The following DCLK1 variants were observed in gnomAD, a reference collection of about 807,000 sequenced individuals.
The protein encoded by DCLK1 is doublecortin like kinase 1, also known as serine/threonine-protein kinase DCLK1.
A neutral mutation model predicts 86.2 loss-of-function variants in DCLK1; 16 were observed. The ratio of observed to expected loss-of-function variants is 0.19; its 90% confidence interval spans 0.13 to 0.28. The LOEUF is 0.28. Ranked by LOEUF, DCLK1 falls within the 10% of genes least tolerant of loss-of-function variation. The pLI, the probability that DCLK1 is intolerant of heterozygous loss-of-function variation, is 1.00. For synonymous variants in DCLK1, 369 were observed against 370.5 expected (o/e 1.00, Z 0.05); for missense variants, 590 against 940.2 (o/e 0.63, Z 4.87).
intron 4 of DCLK1, among the ~76,000 whole-genome samples, chr13:35,910,947 A>G (rs891282114): frequency 3.3e-5 from 5 of 152,094 alleles, no homozygotes; most frequent in African/African-American, 4.8e-5. Context: ...ACTTCGTGAA[A>G]AGTCATCAGT....
At position 35,978,203 on chromosome 13, in the gene DCLK1, C is replaced by CTT. The variant is rs11311688; in HGVS notation, c.724-30748_724-30747dup. On this transcript the variant is annotated intron_variant, in intron 3 of 16. Coordinates refer to ENST00000360631, the MANE Select transcript of DCLK1 (RefSeq NM_001330071.2). ...TCCAGTTTTTTTTTTCTTTTCTTTT[C>CTT]TTTTTTTTTTTTTTTTTTTTTTTGA... is the stretch of plus-strand genomic sequence containing the variant. 3.0e-3 allele frequency among the ~76,000 whole-genome samples: 246 copies of CTT among 82,750 alleles called. 1 individual carries two copies. The highest frequency in any genetic ancestry group is 7.7e-3 in the East Asian group (20 of 2,612). 54.3% of individuals were successfully genotyped at this position (82,750 alleles called of 152,430 possible).
intron 3 of DCLK1, among the ~76,000 whole-genome samples, chr13:35,990,902 A>G (rs1344743241): frequency 6.6e-6 from 1 of 152,126 alleles, no homozygotes; most frequent in Non-Finnish European, 1.5e-5. Flanking sequence ...AGAATACAAA[A>G]CTGACCATGG....
intron 3 of DCLK1, among the ~76,000 whole-genome samples, chr13:36,052,596 A>T (rs531182820): frequency 1.2e-4 from 19 of 152,316 alleles, no homozygotes; most frequent in Middle Eastern, 3.4e-3. Context: ...ATAAGGGGTT[A>T]CATAGTCTCT....
chr13:36,069,616 C>T (rs570264585), intron 3 of DCLK1, among the ~76,000 whole-genome samples: 1 of 152,278 alleles, frequency 6.6e-6, no homozygotes, highest in South Asian at 2.1e-4. Flanking sequence ...TTAGACTCCT[C>T]TCCAGAAGTC....
At chr13:36,033,714 C>A (rs575482577) in intron 3 of DCLK1, among the ~76,000 whole-genome samples, 22 of 152,188 alleles carry the variant, frequency 1.4e-4, no homozygotes, top group African/African-American at 5.3e-4. Context: ...TTACCTGAGG[C>A]CAGGAGTTTG....
rs1349951822 is a variant in DCLK1, at chr13:36,002,185, A to T, written c.724-54728T>A. ...AAGCACAGGCTTTTTGGTCTTTTCA[A>T]CATTTTTCTTTACTTTAAGCCAAGT... is the stretch of plus-strand genomic sequence containing the variant. On this transcript the variant is annotated intron_variant, in intron 3 of 16. Transcript: ENST00000360631. Among the ~76,000 whole-genome samples, 9 of 152,300 alleles carry T rather than the reference A, an allele frequency of 5.9e-5. No individual in the cohort carries two copies. The East Asian group carries it at 1.4e-3, about 23-fold the overall frequency.
At chr13:35,927,059 A>T (rs1566606361) in intron 4 of DCLK1, among the ~76,000 whole-genome samples, 1 of 152,188 alleles carries the variant, frequency 6.6e-6, no homozygotes, top group Non-Finnish European at 1.5e-5. Flanking sequence ...CCCTCACGTA[A>T]TCCCTCTGGG....
At chr13:35,914,355 A>ATATATACGTG in intron 4 of DCLK1, among the ~76,000 whole-genome samples, 3 of 18,814 alleles carry the variant, frequency 1.6e-4, no homozygotes, top group Admixed American at 1.2e-3. Context: ...ATATACATAT[A>ATATATACGTG]TATATATATA....
intron 3 of DCLK1, among the ~76,000 whole-genome samples, chr13:36,007,572 G>C (rs1317943958): frequency 6.6e-6 from 1 of 152,112 alleles, no homozygotes; most frequent in Admixed American, 6.6e-5. Flanking sequence ...CAACAAACAG[G>C]AAGGCAGATG....
At chr13:35,921,815 G>A (rs1386159599) in intron 4 of DCLK1, among the ~76,000 whole-genome samples, 1 of 152,168 alleles carries the variant, frequency 6.6e-6, no homozygotes, top group Non-Finnish European at 1.5e-5. Flanking sequence ...CTGTGGGAAG[G>A]GGCAGGTAAG....
At chr13:35,993,394 A>T (rs1229668508) in intron 3 of DCLK1, among the ~76,000 whole-genome samples, 1 of 152,280 alleles carries the variant, frequency 6.6e-6, no homozygotes, top group East Asian at 1.9e-4. Context: ...CCTTAAACTC[A>T]TCAAGAGCAA....
intron 4 of DCLK1, among the ~76,000 whole-genome samples, chr13:35,895,473 A>G (rs1873905433): frequency 6.6e-6 from 1 of 152,106 alleles, no homozygotes; most frequent in Non-Finnish European, 1.5e-5. Context: ...ATGTAGGTAT[A>G]TTTTTCTACA....
chr13:36,056,456 G>A (rs965403792), intron 3 of DCLK1, among the ~76,000 whole-genome samples: 6 of 110,394 alleles, frequency 5.4e-5, no homozygotes, highest in Admixed American at 4.8e-4. Context: ...TCACACTCTG[G>A]GGACTGTGGT....
intron 3 of DCLK1, among the ~76,000 whole-genome samples, chr13:35,953,568 C>T (rs771574450): frequency 1.4e-4 from 21 of 152,148 alleles, no homozygotes; most frequent in Non-Finnish European, 2.6e-4. Flanking sequence ...TCATTACGCA[C>T]AGTCGTCCCA....
chr13:35,905,700 C>T (rs1874650463), intron 4 of DCLK1, among the ~76,000 whole-genome samples: 1 of 152,100 alleles, frequency 6.6e-6, no homozygotes, highest in Non-Finnish European at 1.5e-5. Flanking sequence ...ATTCCCAGCG[C>T]ATTGGGAGGC....
intron 3 of DCLK1, among the ~76,000 whole-genome samples, chr13:36,081,500 G>A (rs886098089): frequency 6.6e-6 from 1 of 152,154 alleles, no homozygotes; most frequent in Non-Finnish European, 1.5e-5. Flanking sequence ...CAATTAGATG[G>A]CTTTGAAATG....
chr13:35,853,766 C>T (rs1299304521), intron 6 of DCLK1, among the ~76,000 whole-genome samples: 1 of 152,110 alleles, frequency 6.6e-6, no homozygotes, highest in Non-Finnish European at 1.5e-5. Flanking sequence ...CCATAAAGGG[C>T]CTTCCGTTTT....
rs148274768 is a variant in DCLK1 at position 35,946,670 on chromosome 13, C to T, written c.823+688G>A. On this transcript the variant is annotated intron_variant, in intron 4 of 16. Transcript: ENST00000360631. The stretch of plus-strand genomic sequence containing the variant: ...TTAGAGTAACATTATCAAAGAAGGG[C>T]TACAATAATCTTTGTTTGGTAGAAT... Among the ~76,000 whole-genome samples the T allele has an allele frequency of 6.1e-3, 932 of 152,252 alleles. 8 individuals carry two copies. Among genetic ancestry groups the T allele is most frequent in the African/African-American group, 0.018 (734 of 41,562 alleles).
chr13:35,909,000 T>A (rs1874843225), intron 4 of DCLK1, among the ~76,000 whole-genome samples: 1 of 152,224 alleles, frequency 6.6e-6, no homozygotes, highest in Non-Finnish European at 1.5e-5. Flanking sequence ...GATGTATCTC[T>A]ACAAAGCAAG....
Sources: gnomAD v4.1 joint callset for allele counts (sites outside exome capture counted in the v4.1 genomes callset) on GRCh38, gnomAD v4.1.1 for gene constraint, MANE v1.5 for transcripts, NCBI Gene and HGNC (gene_info 2026-07-23, HGNC 2026-07-21) for gene names.